Variants in CFAP47 observed in about 807,000 individuals in gnomAD.
CFAP47 encodes cilia and flagella associated protein 47, also known as cilia- and flagella-associated protein 47.
In CFAP47, 29 loss-of-function variants were observed where a neutral mutation model predicts 148.1. The ratio of observed to expected loss-of-function variants is 0.20; its 90% CI spans 0.15 to 0.27. The LOEUF (loss-of-function observed/expected upper bound fraction) is 0.27, where lower values mean the gene tolerates loss of function less well. CFAP47 is among the 10% of genes least tolerant of loss of function. The pLI is 1.00. For missense variants in CFAP47, 1,872 were observed against 1,697.5 expected (o/e 1.10, Z -1.81); for synonymous variants, 664 against 577.3 (o/e 1.15, Z -2.15).
chrX:36,085,263 C>T (rs759313963), intron 29 of CFAP47, 51 bp from the exon 30 acceptor site: 37 of 760,020 alleles, frequency 4.9e-5, no homozygotes, highest in Non-Finnish European at 6.5e-5. Flanking sequence ...TTTTTTCCCC[C>T]ATACTATAAC....
intron 37 of CFAP47, among the ~76,000 whole-genome samples, chrX:36,149,748 A>G (rs1939284794): frequency 9.3e-6 from 1 of 108,030 alleles, no homozygotes. Flanking sequence ...AGCTGGGATT[A>G]CGGGCGCCTG....
chrX:36,007,430 G>C (rs1317901868), intron 21 of CFAP47, among the ~76,000 whole-genome samples: 1 of 112,075 alleles, frequency 8.9e-6, no homozygotes, highest in Non-Finnish European at 1.9e-5. Flanking sequence ...TTCAATTTGA[G>C]GTATTCCTGT....
At chrX:36,304,243 G>T (rs1358778336) in intron 54 of CFAP47, among the ~76,000 whole-genome samples, 6 of 109,685 alleles carry the variant, frequency 5.5e-5, no homozygotes, top group African/African-American at 2.0e-4. Context: ...TTAGCCAGAC[G>T]TGGTGTCACG....
In CFAP47 at chrX:35,953,613, G is replaced by T; in HGVS notation, c.1068G>T (p.Lys356Asn). The change falls in exon 7 of 64, where the codon AAG becomes AAT. Residue 356 changes from lysine to asparagine, a missense_variant. Lys to Asn is a moderately conservative substitution (Grantham distance 94, BLOSUM62 0). Transcript: ENST00000378653. ...FTPKLMAVGK[K>N]DIGPSYRQDY... Reference sequence around the variant, plus strand: ...ACAGGCTAATGGCTGTTGGTAAAAAGGATATTGGACCTTCATACAGACAGG... The same window carrying T: ...ACAGGCTAATGGCTGTTGGTAAAAATGATATTGGACCTTCATACAGACAGG... The T allele has an allele frequency of 8.4e-7, 1 of 1,190,926 alleles. No homozygotes were observed. The highest frequency in any genetic ancestry group is 3.0e-5 in the East Asian group (1 of 33,320).
chrX:36,283,886 C>G (rs907750889), intron 50 of CFAP47, among the ~76,000 whole-genome samples: 15 of 111,773 alleles, frequency 1.3e-4, no homozygotes, highest in Non-Finnish European at 2.8e-4. Flanking sequence ...CCTTATAACT[C>G]TGAGTCGTTC....
intron 19 of CFAP47, among the ~76,000 whole-genome samples, chrX:35,998,883 G>A (rs1250532575): frequency 9.0e-6 from 1 of 110,587 alleles, no homozygotes; most frequent in Non-Finnish European, 1.9e-5. Context: ...AGTCATTTTG[G>A]GCATGCTTTG....
intron 30 of CFAP47, among the ~76,000 whole-genome samples, chrX:36,096,456 G>A (rs1205081638): frequency 1.8e-5 from 2 of 111,028 alleles, no homozygotes; most frequent in South Asian, 3.7e-4. Flanking sequence ...GAACTCTCCA[G>A]CTATTATTAT....
At chrX:36,312,828 T>G (rs1941404076) in intron 56 of CFAP47, among the ~76,000 whole-genome samples, 1 of 111,384 alleles carries the variant, frequency 9.0e-6, no homozygotes, top group Non-Finnish European at 1.9e-5. Flanking sequence ...CAGGCTTTGT[T>G]TCTCCCCCTT....
intron 2 of CFAP47, among the ~76,000 whole-genome samples, chrX:35,928,690 C>T (rs1323077805): frequency 9.1e-6 from 1 of 110,336 alleles, no homozygotes; most frequent in Admixed American, 9.7e-5. Flanking sequence ...ATCAATTTTC[C>T]TTTAATTAGT....
chrX:36,282,045 A>G (rs1192309408), intron 50 of CFAP47, among the ~76,000 whole-genome samples: 1 of 111,640 alleles, frequency 9.0e-6, no homozygotes, highest in African/African-American at 3.2e-5. Flanking sequence ...AGAAAAAAAA[A>G]GAAATTCAGA....
chrX:36,173,872 A>G (rs142840008), intron 39 of CFAP47, among the ~76,000 whole-genome samples: 2,637 of 111,323 alleles, frequency 0.024, 82 homozygotes, highest in African/African-American at 0.075. Context: ...TTTCTGTCTC[A>G]TTGATCTGTT....
chrX:35,977,242 C>T (rs971006858), intron 15 of CFAP47, among the ~76,000 whole-genome samples: 4 of 111,660 alleles, frequency 3.6e-5, no homozygotes, highest in African/African-American at 1.3e-4. Context: ...ATAATCGTAG[C>T]TGCTCACTAG....
intron 45 of CFAP47, among the ~76,000 whole-genome samples, chrX:36,212,121 T>C (rs1940108988): frequency 8.9e-6 from 1 of 112,130 alleles, no homozygotes; most frequent in South Asian, 3.6e-4. Context: ...TCTCTCTAAT[T>C]GCAAAAAAGA....
At chrX:35,956,409 A>T (rs942056347) in intron 8 of CFAP47, among the ~76,000 whole-genome samples, 3 of 112,122 alleles carry the variant, frequency 2.7e-5, no homozygotes, top group Admixed American at 9.5e-5. Context: ...AGCATTTGGC[A>T]CTAGGGAATT....
At chrX:36,064,762 A>T (rs1392890815) in intron 26 of CFAP47, among the ~76,000 whole-genome samples, 1 of 111,965 alleles carries the variant, frequency 8.9e-6, no homozygotes, top group East Asian at 2.8e-4. Context: ...GGTGATATAG[A>T]TATAAAATAT....
chrX:36,095,105 A>G (rs1415644817), intron 30 of CFAP47, among the ~76,000 whole-genome samples: 2 of 111,631 alleles, frequency 1.8e-5, no homozygotes, highest in African/African-American at 6.5e-5. Flanking sequence ...ATTTTATCAA[A>G]TACTTTTTCA....
rs782766018 is a variant in CFAP47 at position 36,290,016 on chromosome X, G to A, written c.7686+4290G>A. ...CTTTCTCTCTCAGTCTCCCCCAGTCGTCCCATTCTCCCTCCACACCCTCTC... is the reference window on the plus strand; with the variant it reads ...CTTTCTCTCTCAGTCTCCCCCAGTCATCCCATTCTCCCTCCACACCCTCTC... On this transcript the variant is annotated intron_variant, in intron 51 of 63. Transcript: ENST00000378653. Among the ~76,000 whole-genome samples the A allele has an allele frequency of 1.4e-3, 150 of 110,180 alleles. 2 individuals carry two copies. The highest frequency in any genetic ancestry group is 2.0e-3 in the Non-Finnish European group (108 of 52,763).
intron 57 of CFAP47, among the ~76,000 whole-genome samples, chrX:36,347,334 G>C (rs1569323002): frequency 8.9e-6 from 1 of 111,763 alleles, no homozygotes; most frequent in Non-Finnish European, 1.9e-5. Context: ...ACACTGTTGG[G>C]AGTATAAATT....
intron 29 of CFAP47, among the ~76,000 whole-genome samples, chrX:36,078,991 A>G (rs1048886111): frequency 1.3e-4 from 15 of 111,666 alleles, no homozygotes; most frequent in Non-Finnish European, 7.5e-5. Context: ...CTTTAAGAAT[A>G]TTGAATATTG....
Sources: gnomAD v4.1 joint callset for allele counts (sites outside exome capture counted in the v4.1 genomes callset) on GRCh38, gnomAD v4.1.1 for gene constraint, MANE v1.5 for transcripts, NCBI Gene and HGNC (gene_info 2026-07-23, HGNC 2026-07-21) for gene names.